FRMD4A: variants seen among roughly 807,000 people sequenced by gnomAD.
FRMD4A encodes FERM domain containing 4A.
FRMD4A carries 29 observed loss-of-function variants against 129.1 expected under a neutral mutation model. The ratio of observed to expected loss-of-function variants is 0.22; its 90% CI spans 0.17 to 0.31. FRMD4A has a LOEUF of 0.31. FRMD4A is among the 10% of genes least tolerant of loss of function. The probability of loss-of-function intolerance (pLI) is 1.00; values close to 1 mark genes in which losing one functional copy is unlikely to be tolerated. For missense variants in FRMD4A, 1,272 were observed against 1,375.8 expected, an observed-to-expected ratio of 0.92 and a Z score of 1.19; for synonymous variants, 634 against 571.6, an observed-to-expected ratio of 1.11 and a Z score of -1.56.
intron 3 of FRMD4A, among the ~76,000 whole-genome samples, chr10:13,854,586 A>ATT (rs34618985): frequency 0.028 from 3,642 of 130,480 alleles, 70 homozygotes; most frequent in African/African-American, 0.049. Context: ...ACACCGAGCT[A>ATT]TTTTTTTTTT....
chr10:13,909,942 A>C, intron 2 of FRMD4A, among the ~76,000 whole-genome samples: 1 of 150,762 alleles, frequency 6.6e-6, no homozygotes, highest in South Asian at 2.1e-4. Flanking sequence ...TGAGGTATAT[A>C]AAAAAGCACT....
intron 2 of FRMD4A, among the ~76,000 whole-genome samples, chr10:13,929,907 G>T (rs573758047): frequency 1.3e-5 from 2 of 152,108 alleles, no homozygotes; most frequent in Admixed American, 1.3e-4. Context: ...CTCTCATAAG[G>T]TTGCTGTGAA....
intron 5 of FRMD4A, among the ~76,000 whole-genome samples, chr10:13,783,390 C>G (rs2092781958): frequency 6.6e-6 from 1 of 151,932 alleles, no homozygotes; most frequent in African/African-American, 2.4e-5. Context: ...CTTTTCTTCT[C>G]CTTTTTTTTC....
intron 22 of FRMD4A, chr10:13,655,977 G>GC (rs1346375341): frequency 6.6e-6 from 1 of 151,772 alleles, no homozygotes; most frequent in Non-Finnish European, 1.5e-5. Flanking sequence ...ATTCAATACC[G>GC]CCCAATGCTC....
chr10:13,678,887 T>C (rs2084235305), intron 15 of FRMD4A, among the ~76,000 whole-genome samples: 1 of 152,228 alleles, frequency 6.6e-6, no homozygotes, highest in African/African-American at 2.4e-5. Flanking sequence ...ATCCAAACAT[T>C]GATCATTTCT....
chr10:14,310,824 C>T (rs1426493302), intron 2 of FRMD4A, among the ~76,000 whole-genome samples: 1 of 152,128 alleles, frequency 6.6e-6, no homozygotes, highest in Non-Finnish European at 1.5e-5. Flanking sequence ...TGCATTTCAC[C>T]ATGGACCAGA....
Position 14,071,313 on chromosome 10 carries a change from G to A in FRMD4A, c.46-212401C>T, listed in dbSNP as rs118014601. 7.6e-4 allele frequency among the ~76,000 whole-genome samples: 116 copies of A among 152,310 alleles called. 1 individual carries two copies. The East Asian group carries it at 0.021, about 28-fold the overall frequency. ...TCAGGCTGGCATCTTGGATCTGCTG[G>A]GGAGGAAGTCTGTTTAATGCAATTG... On this transcript the variant is annotated intron_variant, in intron 2 of 24. Coordinates refer to ENST00000357447, the MANE Select transcript of FRMD4A (RefSeq NM_018027.5).
chr10:13,947,402 G>T (rs1450617094), intron 2 of FRMD4A, among the ~76,000 whole-genome samples: 1 of 152,038 alleles, frequency 6.6e-6, no homozygotes, highest in Non-Finnish European at 1.5e-5. Context: ...TAAACAAGGG[G>T]AGCTTGTTGC....
intron 5 of FRMD4A, among the ~76,000 whole-genome samples, chr10:13,786,276 G>A (rs1037963288): frequency 4.6e-5 from 7 of 152,074 alleles, no homozygotes; most frequent in African/African-American, 1.4e-4. Context: ...CATCCTCTCC[G>A]GCACCTGTTG....
At chr10:14,082,657 G>T (rs1480410677) in intron 2 of FRMD4A, among the ~76,000 whole-genome samples, 1 of 152,202 alleles carries the variant, frequency 6.6e-6, no homozygotes. Context: ...GTGCATTTCA[G>T]TTGGTGACTG....
chr10:13,950,430 G>A (rs1240108621), intron 2 of FRMD4A, among the ~76,000 whole-genome samples: 1 of 152,024 alleles, frequency 6.6e-6, no homozygotes, highest in Admixed American at 6.6e-5. Flanking sequence ...GCGCTGGAGG[G>A]GACAGAAAAA....
intron 12 of FRMD4A, among the ~76,000 whole-genome samples, chr10:13,724,922 C>T (rs76691221): frequency 0.027 from 4,095 of 152,186 alleles, 139 homozygotes; most frequent in East Asian, 0.11. Flanking sequence ...GTAGGAAAAC[C>T]GCTTTTGGTT....
chr10:14,226,157 C>G (rs1038993949), intron 2 of FRMD4A, among the ~76,000 whole-genome samples: 1 of 152,056 alleles, frequency 6.6e-6, no homozygotes, highest in African/African-American at 2.4e-5. Flanking sequence ...GATACATATG[C>G]AGGTTTATTA....
At chr10:13,848,326 C>T (rs995373996) in intron 3 of FRMD4A, among the ~76,000 whole-genome samples, 13 of 152,178 alleles carry the variant, frequency 8.5e-5, no homozygotes, top group African/African-American at 2.9e-4. Flanking sequence ...TCTCCCTTTA[C>T]GTTTGAGCCA....
At chr10:14,089,618 C>CAAA (rs369054869) in intron 2 of FRMD4A, among the ~76,000 whole-genome samples, 18 of 79,520 alleles carry the variant, frequency 2.3e-4, no homozygotes, top group Non-Finnish European at 3.0e-4. Context: ...CCTTTTCAAG[C>CAAA]AAAAAAAAAA....
chr10:13,734,139 C>T (rs1179218955), intron 12 of FRMD4A, among the ~76,000 whole-genome samples: 1 of 151,886 alleles, frequency 6.6e-6, no homozygotes, highest in African/African-American at 2.4e-5. Flanking sequence ...TCTGCATTGC[C>T]CTCCTTCTCT....
intron 3 of FRMD4A, among the ~76,000 whole-genome samples, chr10:13,827,164 A>G (rs1171069463): frequency 6.6e-6 from 1 of 152,164 alleles, no homozygotes; most frequent in African/African-American, 2.4e-5. Flanking sequence ...GTGGAGGGAG[A>G]TCTCGCGAGG....
intron 2 of FRMD4A, among the ~76,000 whole-genome samples, chr10:13,889,468 C>T (rs2094668843): frequency 6.6e-6 from 1 of 152,170 alleles, no homozygotes; most frequent in Non-Finnish European, 1.5e-5. Flanking sequence ...ATTATGAAAT[C>T]AGCAACTCAC....
At chr10:13,681,783 G>T (rs1055852480) in intron 15 of FRMD4A, among the ~76,000 whole-genome samples, 2 of 152,116 alleles carry the variant, frequency 1.3e-5, no homozygotes, top group Admixed American at 1.3e-4. Flanking sequence ...GTAACCTCTC[G>T]AAGTCTGTTT....
Sources: allele counts gnomAD v4.1 joint callset (sites outside exome capture counted in the v4.1 genomes callset), GRCh38; gene constraint gnomAD v4.1.1; transcripts MANE v1.5; gene names NCBI Gene and HGNC (gene_info 2026-07-23, HGNC 2026-07-21).